RNF150: variants seen among roughly 807,000 people sequenced by gnomAD.
RNF150 encodes ring finger protein 150.
In RNF150, 24 loss-of-function variants were observed where a neutral mutation model predicts 39.3. That is an observed-to-expected ratio of 0.61 (90% CI 0.44 to 0.86). The LOEUF (loss-of-function observed/expected upper bound fraction) is 0.86, where lower values mean the gene tolerates loss of function less well. Ranked by LOEUF, RNF150 falls within the 40% of genes least tolerant of loss-of-function variation. The probability of loss-of-function intolerance (pLI) is 0.00; values close to 1 mark genes in which losing one functional copy is unlikely to be tolerated. For synonymous variants in RNF150, 255 were observed against 227.3 expected (o/e 1.12, Z -1.10); for missense variants, 502 against 587.8 (o/e 0.85, Z 1.51).
chr4:140,924,863 G>A (rs909030056), intron 5 of RNF150, among the ~76,000 whole-genome samples: 1 of 152,210 alleles, frequency 6.6e-6, no homozygotes, highest in Admixed American at 6.5e-5. Flanking sequence ...CAGCAGGCAT[G>A]GAGGCAGCTG....
intron 1 of RNF150, among the ~76,000 whole-genome samples, chr4:141,025,663 A>C (rs1735668466): frequency 6.6e-6 from 1 of 152,194 alleles, no homozygotes; most frequent in South Asian, 2.1e-4. Flanking sequence ...ACCAAGAAAA[A>C]ATAGCATAGG....
chr4:140,960,087 A>C (rs1732957406), intron 2 of RNF150, among the ~76,000 whole-genome samples: 1 of 152,118 alleles, frequency 6.6e-6, no homozygotes. Context: ...TTCTAAATTT[A>C]ACATCGTCAA....
chr4:141,089,939 T>A (rs747763845), intron 1 of RNF150, among the ~76,000 whole-genome samples: 1 of 152,232 alleles, frequency 6.6e-6, no homozygotes, highest in Non-Finnish European at 1.5e-5. Flanking sequence ...TATTTATAGA[T>A]GACAAAAAAC....
intron 1 of RNF150, among the ~76,000 whole-genome samples, chr4:141,140,573 T>A (rs922315931): frequency 6.6e-6 from 1 of 152,238 alleles, no homozygotes; most frequent in Non-Finnish European, 1.5e-5. Context: ...GAGTACATTT[T>A]AAAAACTATC....
intron 6 of RNF150, among the ~76,000 whole-genome samples, chr4:140,909,687 G>A (rs1730518893): frequency 6.6e-6 from 1 of 152,018 alleles, no homozygotes; most frequent in Non-Finnish European, 1.5e-5. Context: ...TGCATGACTT[G>A]CATTATATTA....
chr4:141,147,381 T>C (rs867322265), intron 1 of RNF150, among the ~76,000 whole-genome samples: 6 of 152,184 alleles, frequency 3.9e-5, no homozygotes, highest in African/African-American at 1.4e-4. Context: ...AGTTTCTACA[T>C]CAGTTAATAA....
chr4:140,878,170 T>G (rs1729235515), intron 6 of RNF150, among the ~76,000 whole-genome samples: 2 of 145,444 alleles, frequency 1.4e-5, no homozygotes, highest in South Asian at 2.2e-4. Context: ...TTGTGTTTTT[T>G]TTTTTTTTTT....
At chr4:140,898,289 T>TC (rs1339698184) in intron 6 of RNF150, among the ~76,000 whole-genome samples, 2 of 151,800 alleles carry the variant, frequency 1.3e-5, no homozygotes, top group Non-Finnish European at 2.9e-5. Flanking sequence ...ATTTTTTTTT[T>TC]TTGAGTTGTT....
chr4:141,107,820 T>G (rs1043672982), intron 1 of RNF150, among the ~76,000 whole-genome samples: 1 of 108,250 alleles, frequency 9.2e-6, no homozygotes, highest in Non-Finnish European at 2.0e-5. Context: ...TATATCCTAT[T>G]TGAATGGCCT....
At chr4:141,182,241 C>A (rs369597783) in intron 1 of RNF150, among the ~76,000 whole-genome samples, 2 of 123,906 alleles carry the variant, frequency 1.6e-5, no homozygotes, top group Admixed American at 8.9e-5. Flanking sequence ...TGGGCAAAAA[C>A]TGGAAGCATT....
intron 1 of RNF150, among the ~76,000 whole-genome samples, chr4:141,072,059 T>C (rs532318708): frequency 1.3e-5 from 2 of 152,144 alleles, no homozygotes; most frequent in African/African-American, 2.4e-5. Flanking sequence ...GGCCTCAGAT[T>C]TGCGTGCTAA....
chr4:141,020,697 A>G (rs1485106727), intron 1 of RNF150, among the ~76,000 whole-genome samples: 1 of 152,196 alleles, frequency 6.6e-6, no homozygotes, highest in Non-Finnish European at 1.5e-5. Flanking sequence ...CTACTTCCTC[A>G]GCTCAGTCTG....
Position 141,132,563 on chromosome 4 carries a change from G to A in RNF150, c.246C>T (p.Pro82=). 1.9e-6 allele frequency: 3 copies of A among 1,589,188 alleles called. No individual in the cohort carries two copies. The highest frequency in any genetic ancestry group is 1.3e-5 in the African/African-American group (1 of 74,512). Residue 82 remains proline (P), a synonymous_variant, in exon 1 of 7, where the codon CCC becomes CCT. Coordinates refer to ENST00000515673, the MANE Select transcript of RNF150 (RefSeq NM_020724.2). This position sits in a 1 kb window ranked among gnomAD's most constrained non-coding sequence, Gnocchi z 4.9. ...TECGRYGEHS[P]KQDARGEVVM... is the part of the protein sequence containing the mutation. ...CCACCTCCCCGCGGGCGTCCTGCTT[G>A]GGCGAGTGCTCTCCGTAGCGCCCGC...
At chr4:140,925,893 C>T in intron 5 of RNF150, 84 bp downstream of exon 5, 1 of 927,710 alleles carries the variant, frequency 1.1e-6, no homozygotes, top group South Asian at 1.4e-5. Flanking sequence ...GGACACAGAA[C>T]ATCCAAGTAT....
rs768504181 is a variant in RNF150 at position 140,868,212 on chromosome 4, C to T, written c.*49G>A. The T allele has an allele frequency of 1.5e-5, 16 of 1,099,894 alleles. No individual in the cohort carries two copies. The African/African-American group carries it at 2.5e-4, about 17-fold the overall frequency. The allele number at this position is 1,099,894 out of a possible 1,614,324, so 68.1% of individuals were successfully genotyped here. On this transcript the variant is annotated 3_prime_UTR_variant, in exon 7 of 7. Coordinates refer to ENST00000515673, the MANE Select transcript of RNF150 (RefSeq NM_020724.2). ...GGTCCAAGTCTTGGAGCACTCTTCC[C>T]TTCCTTTCCCTTGGGTCCTACTATC...
chr4:140,892,462 T>C (rs753525412), intron 6 of RNF150, among the ~76,000 whole-genome samples: 1 of 152,200 alleles, frequency 6.6e-6, no homozygotes, highest in Non-Finnish European at 1.5e-5. Context: ...TTTCATGTAT[T>C]TATTAACTTA....
intron 1 of RNF150, among the ~76,000 whole-genome samples, chr4:141,093,358 T>TC (rs1238393496): frequency 1.7e-5 from 2 of 120,626 alleles, no homozygotes; most frequent in East Asian, 5.4e-4. Flanking sequence ...AGAGCGAGAC[T>TC]CCATCTCAAA....
chr4:140,948,239 C>G (rs1304305098), intron 3 of RNF150, among the ~76,000 whole-genome samples: 1 of 152,000 alleles, frequency 6.6e-6, no homozygotes, highest in Non-Finnish European at 1.5e-5. Flanking sequence ...ACATACTGAC[C>G]AAAATGTCCT....
rs138139281 is a variant in RNF150 at position 141,074,589 on chromosome 4, A to C, written c.484+57736T>G. Among the ~76,000 whole-genome samples, 169 of 152,242 alleles carry C rather than the reference A, an allele frequency of 1.1e-3. 1 individual carries two copies. Among genetic ancestry groups the C allele is most frequent in the Non-Finnish European group, 1.9e-3 (131 of 68,020 alleles). On this transcript the variant is annotated intron_variant, in intron 1 of 6. Transcript: ENST00000515673. ...TAATAAAAGGAAGGGGTATGGTACT[A>C]AAGCCCAGAGGCTAGGACTGGTCTG... is the stretch of plus-strand genomic sequence containing the variant.
Sources: allele counts gnomAD v4.1 joint callset (sites outside exome capture counted in the v4.1 genomes callset), GRCh38; gene constraint gnomAD v4.1.1; non-coding constraint Gnocchi (gnomAD v3.1); transcripts MANE v1.5; gene names NCBI Gene and HGNC (gene_info 2026-07-23, HGNC 2026-07-21).